RANBP3: variants seen among roughly 807,000 people sequenced by gnomAD.
RANBP3 encodes ran-binding protein 3.
Under a neutral mutation model 77.3 loss-of-function variants are expected in RANBP3, and 14 were observed. The observed-to-expected ratio is 0.18, with a 90% CI of 0.12 to 0.28. The LOEUF (loss-of-function observed/expected upper bound fraction) is 0.28, where lower values mean the gene tolerates loss of function less well. Ranked by LOEUF, RANBP3 falls within the 10% of genes least tolerant of loss-of-function variation. The pLI, the probability that RANBP3 is intolerant of heterozygous loss-of-function variation, is 1.00. For synonymous variants in RANBP3, 315 were observed against 312.4 expected (o/e 1.01, Z -0.09); for missense variants, 586 against 752.3 (o/e 0.78, Z 2.59).
chr19:5,937,423 T>G (rs2145118081), intron 5 of RANBP3, among the ~76,000 whole-genome samples: 1 of 152,288 alleles, frequency 6.6e-6, no homozygotes, highest in East Asian at 1.9e-4. Context: ...ACCCAACAGC[T>G]GACCTGTAAT....
At chr19:5,935,722 A>AGAGCTGC (rs2058055531) in intron 5 of RANBP3, 2 of 456,646 alleles carry the variant, frequency 4.4e-6, no homozygotes, top group Non-Finnish European at 8.8e-6. Flanking sequence ...GGCCCTCTCC[A>AGAGCTGC]GAGCTGCAGA....
intron 2 of RANBP3, among the ~76,000 whole-genome samples, chr19:5,955,947 T>G (rs2058330380): frequency 6.6e-6 from 1 of 151,986 alleles, no homozygotes; most frequent in South Asian, 2.1e-4. Context: ...AAAAAAAATT[T>G]TTTTTTTTCA....
intron 14 of RANBP3, among the ~76,000 whole-genome samples, chr19:5,920,556 AT>A (rs746709238): frequency 3.2e-4 from 48 of 151,434 alleles, no homozygotes; most frequent in East Asian, 2.3e-3. Flanking sequence ...AGTATATTTT[AT>A]TTTTTTTTGA....
At position 5,936,498 on chromosome 19, in the gene RANBP3, G is replaced by A. The variant is rs116320633; in HGVS notation, c.407-3019C>T. On this transcript the variant is annotated intron_variant, in intron 5 of 16. Transcript: ENST00000340578. ...TCCCCAGCTCTGTCCGCGGAGGGCC[G>A]GGAGCAGGGCTACACCTGAGTCAGT... 7.8e-4 allele frequency among the ~76,000 whole-genome samples: 119 copies of A among 152,326 alleles called. 2 individuals are homozygous for A. Among genetic ancestry groups the A allele is most frequent in the African/African-American group, 2.8e-3 (115 of 41,578 alleles).
chr19:5,952,020 A>G lies in RANBP3; in HGVS notation c.79-424T>C, dbSNP rs975588032. ...CAGCACCATTTCTGTGCTTTAGGAA[A>G]GAGGGAGGTGGCTGGAACCCCAAAG... On this transcript the variant is annotated intron_variant, in intron 2 of 16. Coordinates refer to ENST00000340578, the MANE Select transcript of RANBP3 (RefSeq NM_007322.3). This position sits in a 1 kb window ranked among gnomAD's most constrained non-coding sequence, Gnocchi z 4.1. 6.6e-6 allele frequency among the ~76,000 whole-genome samples: 1 copy of G among 152,218 alleles called. No individual in the cohort carries two copies. Among genetic ancestry groups the G allele is most frequent in the Non-Finnish European group, 1.5e-5 (1 of 68,038 alleles).
rs2058362766 is a variant in RANBP3 at position 5,958,548 on chromosome 19, C to T, written c.23-575G>A. ...TGCACAGCGGCTGAAGGAAGAAACACTCTGGGGTGTTCTGTCACTTGATGG... is the reference window on the plus strand; with the variant it reads ...TGCACAGCGGCTGAAGGAAGAAACATTCTGGGGTGTTCTGTCACTTGATGG... On this transcript the variant is annotated intron_variant, in intron 1 of 16. Coordinates refer to ENST00000340578, the MANE Select transcript of RANBP3 (RefSeq NM_007322.3). This position sits in a 1 kb window ranked among gnomAD's most constrained non-coding sequence, Gnocchi z 4.4. Among the ~76,000 whole-genome samples the T allele has an allele frequency of 6.6e-6, 1 of 152,352 alleles. No homozygotes were observed. The highest frequency in any genetic ancestry group is 2.4e-5 in the African/African-American group (1 of 41,582).
chr19:5,951,314 GA>G, intron 3 of RANBP3, 78 bp downstream of exon 3: 1 of 1,322,216 alleles, frequency 7.6e-7, no homozygotes, highest in Non-Finnish European at 1.1e-6. Flanking sequence ...GCCAGGATCT[GA>G]GGGACCCGAA....
At position 5,941,848 on chromosome 19, in the gene RANBP3, G is replaced by A; in HGVS notation, c.283-13C>T. 6.2e-7 allele frequency: 1 copy of A among 1,612,082 alleles called. No homozygotes were observed. Among genetic ancestry groups the A allele is most frequent in the Non-Finnish European group, 8.5e-7 (1 of 1,180,016 alleles). On this transcript the variant is annotated splice_polypyrimidine_tract_variant and intron_variant, in intron 3 of 16. Coordinates refer to ENST00000340578, the MANE Select transcript of RANBP3 (RefSeq NM_007322.3). ...CGCCAGCTGACCTCTGAAACAAGGA[G>A]CACACAGCCGGGGTCAGAGGGCATC... is the stretch of plus-strand genomic sequence containing the variant.
Position 5,916,413 on chromosome 19 carries a change from A to G in RANBP3, c.*1197T>C, listed in dbSNP as rs973876591. 1.3e-5 allele frequency: 2 copies of G among 151,676 alleles called. No homozygotes were observed. The highest frequency in any genetic ancestry group is 2.4e-5 in the African/African-American group (1 of 41,220). The allele number at this position is 151,676 out of a possible 1,614,324, so 9.4% of individuals were successfully genotyped here. On this transcript the variant is annotated 3_prime_UTR_variant, in exon 17 of 17. Coordinates refer to ENST00000340578, the MANE Select transcript of RANBP3 (RefSeq NM_007322.3). ...AACCCTCCGAGAGTGGGACTGGGAGATTTCCTCTGAAGTCCCAAAGAGGCC... is the reference window on the plus strand; with the variant it reads ...AACCCTCCGAGAGTGGGACTGGGAGGTTTCCTCTGAAGTCCCAAAGAGGCC...
intron 8 of RANBP3, among the ~76,000 whole-genome samples, chr19:5,931,157 G>C (rs926240082): frequency 2.0e-5 from 3 of 152,230 alleles, no homozygotes; most frequent in Admixed American, 6.5e-5. Context: ...CCTTCCGGCA[G>C]AGCTTGCTTG....
At chr19:5,948,905 C>G (rs936069441) in intron 3 of RANBP3, among the ~76,000 whole-genome samples, 1 of 152,178 alleles carries the variant, frequency 6.6e-6, no homozygotes, top group Non-Finnish European at 1.5e-5. Flanking sequence ...CCACATCAAA[C>G]AGAGAACTTA....
chr19:5,945,202 C>T (rs1018838453), intron 3 of RANBP3, among the ~76,000 whole-genome samples: 10 of 152,248 alleles, frequency 6.6e-5, no homozygotes, highest in African/African-American at 2.4e-4. Context: ...CCCTTGCAGG[C>T]CACGGAGAAG....
intron 5 of RANBP3, among the ~76,000 whole-genome samples, chr19:5,936,873 AC>A (rs769725400): frequency 1.3e-5 from 2 of 151,830 alleles, no homozygotes; most frequent in Non-Finnish European, 2.9e-5. Flanking sequence ...CTTCCAGTGA[AC>A]ACCACTAATC....
chr19:5,922,691 G>A (rs1421229465), intron 13 of RANBP3, among the ~76,000 whole-genome samples: 1 of 152,234 alleles, frequency 6.6e-6, no homozygotes, highest in Non-Finnish European at 1.5e-5. Context: ...TGTCATCCCA[G>A]CACTTTGGGA....
intron 9 of RANBP3, 27 bp from the exon 10 acceptor site, chr19:5,925,764 A>G (rs2057898835): frequency 8.8e-7 from 1 of 1,136,550 alleles, no homozygotes. Context: ...GCGCTCAGTA[A>G]TCGGGGGTGG....
rs146545201 is a variant in RANBP3 at position 5,948,225 on chromosome 19, C to T, written c.282+3168G>A. Among the ~76,000 whole-genome samples, 136 of 152,216 alleles carry T rather than the reference C, an allele frequency of 8.9e-4. 1 individual carries two copies. The highest frequency in any genetic ancestry group is 3.0e-3 in the African/African-American group (126 of 41,546). On this transcript the variant is annotated intron_variant, in intron 3 of 16. Coordinates refer to ENST00000340578, the MANE Select transcript of RANBP3 (RefSeq NM_007322.3). ...CAGCACTTTGGGAGGCCGAGGTCGG[C>T]GGATCACAAGGTCAGGAGATTGAGA... is the stretch of plus-strand genomic sequence containing the variant.
intron 14 of RANBP3, among the ~76,000 whole-genome samples, chr19:5,920,124 C>T (rs2057798776): frequency 6.6e-6 from 1 of 152,208 alleles, no homozygotes; most frequent in South Asian, 2.1e-4. Flanking sequence ...GGTCCCAGCG[C>T]AGTGGCCCAC....
rs569908379 is a variant in RANBP3, at chr19:5,931,301, G to T, written c.693+103C>A. Reference sequence around the variant, plus strand: ...AATAGGCCCACGTGGAAACTGCTTGGAACAGGTGACAGCGTGTGGACTCCA... The same window carrying T: ...AATAGGCCCACGTGGAAACTGCTTGTAACAGGTGACAGCGTGTGGACTCCA... On this transcript the variant is annotated intron_variant, in intron 8 of 16. Coordinates refer to ENST00000340578, the MANE Select transcript of RANBP3 (RefSeq NM_007322.3). 6 of 1,396,320 alleles carry T rather than the reference G, an allele frequency of 4.3e-6. No individual in the cohort carries two copies. The South Asian group carries it at 6.1e-5, about 14-fold the overall frequency. The allele number at this position is 1,396,320 out of a possible 1,614,324, so 86.5% of individuals were successfully genotyped here. A position where few individuals can be genotyped will look rare whatever the true frequency, so the allele number is the denominator to read the frequency against.
At chr19:5,949,722 C>A (rs1408309933) in intron 3 of RANBP3, among the ~76,000 whole-genome samples, 3 of 152,170 alleles carry the variant, frequency 2.0e-5, no homozygotes, top group Non-Finnish European at 4.4e-5. Context: ...AGCCTCAGAC[C>A]CAAAGTCCAT....
Sources: gnomAD v4.1 joint callset for allele counts (sites outside exome capture counted in the v4.1 genomes callset) on GRCh38, gnomAD v4.1.1 for gene constraint, Gnocchi (gnomAD v3.1) non-coding constraint, MANE v1.5 for transcripts, NCBI Gene and HGNC (gene_info 2026-07-23, HGNC 2026-07-21) for gene names.